Variants in MVB12A observed in about 807,000 individuals in gnomAD.
The protein encoded by MVB12A is CIN85/CD2AP family binding protein.
In MVB12A, 30 loss-of-function variants were observed where a neutral mutation model predicts 34.3. The ratio of observed to expected loss-of-function variants is 0.88; its 90% CI spans 0.65 to 1.19. The LOEUF is 1.19. Among genes scored for constraint, MVB12A ranks in the 50% most tolerant of loss-of-function variants. MVB12A has a pLI of 0.00. For synonymous variants in MVB12A, 158 were observed against 158.9 expected, an observed-to-expected ratio of 0.99 and a Z score of 0.04; for missense variants, 355 against 369.2, an observed-to-expected ratio of 0.96 and a Z score of 0.31.
chr19:17,423,948 G>A (rs2074854578), intron 6 of MVB12A, 58 bp from the exon 7 acceptor site: 1 of 1,599,204 alleles, frequency 6.3e-7, no homozygotes, highest in African/African-American at 1.3e-5. Context: ...TTGGGCCTCT[G>A]TGGGTGGGGT....
At chr19:17,410,104 T>C (rs548166089) in intron 2 of MVB12A, among the ~76,000 whole-genome samples, 16 of 152,262 alleles carry the variant, frequency 1.1e-4, no homozygotes, top group Non-Finnish European at 1.8e-4. Context: ...CTAAAAGTTA[T>C]GGCAGAAACC....
At chr19:17,406,990 T>C (rs1013317142) in intron 2 of MVB12A, among the ~76,000 whole-genome samples, 6 of 152,162 alleles carry the variant, frequency 3.9e-5, no homozygotes, top group African/African-American at 1.4e-4. Flanking sequence ...GCTGACTTAT[T>C]TGAGCAGCAC....
chr19:17,418,512 C>T (rs1490868369), upstream of MVB12A, among the ~76,000 whole-genome samples: 2 of 151,446 alleles, frequency 1.3e-5, no homozygotes, highest in Non-Finnish European at 2.9e-5. Context: ...CCTGCCTCAG[C>T]CCCCTTAGTA....
chr19:17,424,942 C>T lies in MVB12A; in HGVS notation c.771C>T (p.Gly257=), dbSNP rs780616769. 2.0e-5 allele frequency: 32 copies of T among 1,610,098 alleles called. No homozygotes were observed. In the South Asian group the frequency reaches 3.1e-4, roughly 16 times the overall value. Residue 257 remains glycine (G), a synonymous_variant, in exon 9 of 9, where the codon GGC becomes GGT. Transcript: ENST00000317040. ...LADIEEEYNY[G]FVVEKTAAAR... is the part of the protein sequence containing the mutation. Reference sequence around the variant, plus strand: ...TCCCCATCCCCCAGTATAACTACGGCTTCGTGGTGGAGAAGACCGCGGCTG... The same window carrying T: ...TCCCCATCCCCCAGTATAACTACGGTTTCGTGGTGGAGAAGACCGCGGCTG...
intron 2 of MVB12A, among the ~76,000 whole-genome samples, chr19:17,409,027 C>A (rs1018234164): frequency 6.3e-3 from 913 of 144,818 alleles, no homozygotes; most frequent in African/African-American, 0.021. Context: ...TGGGGTTTCG[C>A]CATGTTGGCC....
In MVB12A at chr19:17,425,329, C is replaced by T. The variant is rs1194991837; in HGVS notation, c.*336C>T. The T allele has an allele frequency of 3.1e-6, 1 of 325,424 alleles. No homozygotes were observed. The highest frequency in any genetic ancestry group is 5.7e-6 in the Non-Finnish European group (1 of 176,506). The allele number at this position is 325,424 out of a possible 1,614,324, so 20.2% of individuals were successfully genotyped here. ...CTGGCAATAAACACTACCCGGTTCT[C>T]GCCCTCTGGAGTCCTGATCCTGCCG... On this transcript the variant is annotated 3_prime_UTR_variant, in exon 9 of 9. Transcript: ENST00000317040.
upstream of MVB12A, chr19:17,419,955 C>A (rs1478343559): frequency 2.4e-6 from 1 of 408,252 alleles, no homozygotes; most frequent in East Asian, 3.6e-5. Context: ...GCTCCGCCTC[C>A]CCACGCCATT....
chr19:17,405,935 T>A, intron 1 of MVB12A: 1 of 176,394 alleles, frequency 5.7e-6, no homozygotes, highest in Non-Finnish European at 1.2e-5. Flanking sequence ...TACTATGACC[T>A]GAAGAGGCAG....
At position 17,425,084 on chromosome 19, in the gene MVB12A, A is replaced by G. The variant is rs879050555; in HGVS notation, c.*91A>G. On this transcript the variant is annotated 3_prime_UTR_variant, in exon 9 of 9. Transcript: ENST00000317040. ...CTCACTGCATCCTGGGGCCACCCCC[A>G]CTCACTGCATCCTGGGAACCTTCGC... 8.7e-6 allele frequency: 4 copies of G among 459,132 alleles called. No homozygotes were observed. Among genetic ancestry groups the G allele is most frequent in the Non-Finnish European group, 1.4e-5 (4 of 288,080 alleles). The allele number at this position is 459,132 out of a possible 1,614,324, so 28.4% of individuals were successfully genotyped here.
In MVB12A at chr19:17,420,520, TC is replaced by T; in HGVS notation, c.190-13del. On this transcript the variant is annotated splice_polypyrimidine_tract_variant and intron_variant, in intron 2 of 8. Transcript: ENST00000317040. ...CCCGCTGCTAGCCACCCTCGCCGTG[TC>T]CCCCTTCCACCCCCAGAACCCGCAG... 1.2e-6 allele frequency: 2 copies of T among 1,601,098 alleles called. No homozygotes were observed. Among genetic ancestry groups the T allele is most frequent in the Non-Finnish European group, 1.7e-6 (2 of 1,168,378 alleles).
At chr19:17,421,180 C>CTT (rs1568391166) in intron 3 of MVB12A, 5 of 235,282 alleles carry the variant, frequency 2.1e-5, no homozygotes, top group Admixed American at 1.5e-4. Context: ...AGTTGGCAAA[C>CTT]CTTTTTTTTT....
intron 3 of MVB12A, 200 bp downstream of exon 3, chr19:17,420,834 G>A (rs1157745167): frequency 3.1e-5 from 20 of 648,444 alleles, no homozygotes; most frequent in Non-Finnish European, 3.9e-5. Flanking sequence ...TGATATGATT[G>A]GCACAGCCTG....
At position 17,422,428 on chromosome 19, in the gene MVB12A, C is replaced by T. The variant is rs1214969671; in HGVS notation, c.383C>T (p.Thr128Ile). The stretch of plus-strand genomic sequence containing the variant: ...TTTGATGTCCGGCTGAGTGGGAAGA[C>T]CAAGACAGTGCCTGGATACCTTCGA... ...AVFDVRLSGK[T>I]KTVPGYLRIG... The change falls in exon 4 of 9, where the codon ACC (threonine) becomes ATC (isoleucine). Residue 128 changes from threonine (T) to isoleucine (I), a missense_variant. Coordinates refer to ENST00000317040, the MANE Select transcript of MVB12A (RefSeq NM_138401.4). The T allele has an allele frequency of 6.2e-7, 1 of 1,613,342 alleles. No homozygotes were observed. The highest frequency in any genetic ancestry group is 1.1e-5 in the South Asian group (1 of 90,982).
upstream of MVB12A, among the ~76,000 whole-genome samples, chr19:17,416,419 T>TTA (rs2074800126): frequency 1.3e-5 from 2 of 149,260 alleles, no homozygotes; most frequent in South Asian, 4.2e-4. Flanking sequence ...CTGCTTTTTT[T>TTA]TTTTTTTTTT....
chr19:17,419,903 T>A (rs527714750), upstream of MVB12A: 3 of 385,842 alleles, frequency 7.8e-6, no homozygotes, highest in African/African-American at 6.2e-5. Context: ...TTTTCCGCCA[T>A]CATCGCTCAC....
At chr19:17,410,529 T>TATATATATATATACACACAC in intron 2 of MVB12A, among the ~76,000 whole-genome samples, 2 of 74,448 alleles carry the variant, frequency 2.7e-5, no homozygotes, top group African/African-American at 1.3e-4. Context: ...TATATATATA[T>TATATATATATATACACACAC]ACACACACAC....
chr19:17,417,030 T>C, upstream of MVB12A: 1 of 380,938 alleles, frequency 2.6e-6, no homozygotes, highest in South Asian at 2.0e-5. Flanking sequence ...CCTCCTCTTC[T>C]TTCTTCATCT....
intron 8 of MVB12A, 83 bp downstream of exon 8, chr19:17,424,760 C>A: frequency 6.6e-7 from 1 of 1,512,460 alleles, no homozygotes; most frequent in Non-Finnish European, 8.9e-7. Context: ...TCGTCCGCCC[C>A]AGGCTGTCCC....
At chr19:17,408,402 T>A (rs1300068364) in intron 2 of MVB12A, among the ~76,000 whole-genome samples, 1 of 149,148 alleles carries the variant, frequency 6.7e-6, no homozygotes, top group Non-Finnish European at 1.5e-5. Flanking sequence ...ATATATATAT[T>A]TTAAGTACAT....
Sources: allele counts gnomAD v4.1 joint callset (sites outside exome capture counted in the v4.1 genomes callset), GRCh38; gene constraint gnomAD v4.1.1; transcripts MANE v1.5; gene names NCBI Gene and HGNC (gene_info 2026-07-23, HGNC 2026-07-21).